Variants in COL6A6 observed in about 807,000 individuals in gnomAD.
COL6A6 encodes the protein collagen type VI alpha 6 chain, also known as collagen alpha-6(VI) chain.
In COL6A6, 183 loss-of-function variants were observed where a neutral mutation model predicts 208.6. The ratio of observed to expected loss-of-function variants is 0.88; its 90% CI spans 0.78 to 0.99. COL6A6 has a LOEUF of 0.99. Among genes scored for constraint, COL6A6 ranks in the 50% least tolerant of loss-of-function variants. The pLI is 0.00. For synonymous variants in COL6A6, 973 were observed against 1,011.8 expected, an observed-to-expected ratio of 0.96 and a Z score of 0.73; for missense variants, 2,816 against 2,815.2, an observed-to-expected ratio of 1.00 and a Z score of -0.01.
At chr3:130,645,310 T>G (rs1181020823) in intron 32 of COL6A6, among the ~76,000 whole-genome samples, 4 of 151,924 alleles carry the variant, frequency 2.6e-5, no homozygotes, top group African/African-American at 4.8e-5. Context: ...TATGTTGGGG[T>G]TTTTTTTAGA....
intron 12 of COL6A6, 126 bp downstream of exon 12, chr3:130,589,308 C>A: frequency 1.7e-6 from 1 of 592,284 alleles, no homozygotes; most frequent in Non-Finnish European, 3.0e-6. Context: ...GTTTATTATA[C>A]TCCTCTTTTT....
At chr3:130,534,428 A>C (rs1301729158) in intron 1 of COL6A6, among the ~76,000 whole-genome samples, 1 of 152,106 alleles carries the variant, frequency 6.6e-6, no homozygotes, top group African/African-American at 2.4e-5. Context: ...CTTATTTATG[A>C]TGTCTTTTGT....
intron 36 of COL6A6, among the ~76,000 whole-genome samples, chr3:130,672,354 T>C (rs1205944942): frequency 6.6e-6 from 1 of 152,024 alleles, no homozygotes; most frequent in African/African-American, 2.4e-5. Context: ...GAACAATATA[T>C]AGTAGGATAA....
At chr3:130,560,479 A>G (rs1013040948) in intron 2 of COL6A6, 51 bp downstream of exon 2, 3 of 1,482,716 alleles carry the variant, frequency 2.0e-6, no homozygotes, top group African/African-American at 2.8e-5. Flanking sequence ...AAAATAGATA[A>G]TACATGAGTT....
At chr3:130,564,144 G>A (rs1007301660) in intron 3 of COL6A6, among the ~76,000 whole-genome samples, 3 of 152,188 alleles carry the variant, frequency 2.0e-5, no homozygotes, top group African/African-American at 7.2e-5. Context: ...TAGAAGTGAT[G>A]TGCCTTGGCC....
At chr3:130,543,058 A>G (rs911975581) in intron 1 of COL6A6, among the ~76,000 whole-genome samples, 1 of 151,912 alleles carries the variant, frequency 6.6e-6, no homozygotes, top group African/African-American at 2.4e-5. Context: ...AGCACGTGCC[A>G]CCATGCCTAG....
intron 1 of COL6A6, among the ~76,000 whole-genome samples, chr3:130,553,940 C>T (rs1224015317): frequency 4.6e-5 from 7 of 151,970 alleles, no homozygotes; most frequent in Admixed American, 4.6e-4. Context: ...TATTGACTGG[C>T]ATCATTTCTG....
intron 23 of COL6A6, among the ~76,000 whole-genome samples, chr3:130,614,798 G>C (rs540385016): frequency 3.9e-5 from 6 of 152,214 alleles, no homozygotes; most frequent in African/African-American, 1.2e-4. Flanking sequence ...TGTGTGCATA[G>C]AGGTGTTCAT....
intron 8 of COL6A6, among the ~76,000 whole-genome samples, chr3:130,576,455 C>T (rs1457525081): frequency 6.6e-6 from 1 of 152,208 alleles, no homozygotes; most frequent in Non-Finnish European, 1.5e-5. Flanking sequence ...GCTTCACATA[C>T]TTTGGAATGT....
intron 10 of COL6A6, among the ~76,000 whole-genome samples, chr3:130,585,521 C>T (rs2063518635): frequency 6.6e-6 from 1 of 152,202 alleles, no homozygotes; most frequent in Non-Finnish European, 1.5e-5. Context: ...TTACTTCCTC[C>T]ACCATAATGA....
intron 10 of COL6A6, among the ~76,000 whole-genome samples, chr3:130,582,291 T>C (rs1028078515): frequency 7.2e-5 from 11 of 152,180 alleles, no homozygotes; most frequent in Non-Finnish European, 1.6e-4. Context: ...GAATACAAAG[T>C]CCTATCCTTT....
At chr3:130,570,256 A>C (rs2063129071) in intron 6 of COL6A6, among the ~76,000 whole-genome samples, 1 of 152,210 alleles carries the variant, frequency 6.6e-6, no homozygotes, top group African/African-American at 2.4e-5. Flanking sequence ...CTATGATGAA[A>C]CCCAAAACTG....
At position 130,627,429 on chromosome 3, in the gene COL6A6, T is replaced by G. The variant is rs2064924768; in HGVS notation, c.4992+60T>G. 3 of 1,488,146 alleles carry G rather than the reference T, an allele frequency of 2.0e-6. No individual in the cohort carries two copies. In the Admixed American group the frequency reaches 5.0e-5, roughly 25 times the overall value. The allele number at this position is 1,488,146 out of a possible 1,614,324, so 92.2% of individuals were successfully genotyped here. A position where few individuals can be genotyped will look rare whatever the true frequency, so the allele number is the denominator to read the frequency against. ...ATTTATTTTTTGTTGCTGGTTTTGT[T>G]TGCCACATTTAAGAGAAAAAGGGAA... On this transcript the variant is annotated intron_variant, in intron 26 of 36. Transcript: ENST00000358511.
At chr3:130,645,125 T>G (rs2065430190) in intron 32 of COL6A6, 123 bp downstream of exon 32, 1 of 893,598 alleles carries the variant, frequency 1.1e-6, no homozygotes, top group Non-Finnish European at 1.9e-6. Flanking sequence ...CTTTCTTTGC[T>G]GCTGCCTCAT....
chr3:130,575,701 CTAGGAAA>C (rs1176065272), intron 8 of COL6A6, among the ~76,000 whole-genome samples: 2 of 152,192 alleles, frequency 1.3e-5, no homozygotes, highest in African/African-American at 4.8e-5. Context: ...GGAGAAGGTA[CTAGGAAA>C]GGGGGAACAA....
chr3:130,604,427 G>A (rs568235134), intron 20 of COL6A6, among the ~76,000 whole-genome samples: 17 of 152,032 alleles, frequency 1.1e-4, no homozygotes, highest in Admixed American at 7.9e-4. Context: ...CCCGGGAAGC[G>A]GAGCTTGCAG....
chr3:130,670,271 T>C (rs376363429), intron 36 of COL6A6, among the ~76,000 whole-genome samples: 155 of 152,306 alleles, frequency 1.0e-3, no homozygotes, highest in Admixed American at 1.6e-3. Flanking sequence ...GAGGACAGTA[T>C]CTTTGGCATG....
chr3:130,546,175 T>C (rs141835509), intron 1 of COL6A6, among the ~76,000 whole-genome samples: 384 of 152,332 alleles, frequency 2.5e-3, no homozygotes, highest in African/African-American at 8.7e-3. Context: ...GTTACAGTTC[T>C]TAAAGATGGT....
At chr3:130,646,818 A>G (rs1042484360) in intron 32 of COL6A6, among the ~76,000 whole-genome samples, 13 of 152,206 alleles carry the variant, frequency 8.5e-5, no homozygotes, top group African/African-American at 3.1e-4. Context: ...GGTGGGTATT[A>G]AAGAGTATGT....
Sources: allele counts gnomAD v4.1 joint callset (sites outside exome capture counted in the v4.1 genomes callset), GRCh38; gene constraint gnomAD v4.1.1; transcripts MANE v1.5; gene names NCBI Gene and HGNC (gene_info 2026-07-23, HGNC 2026-07-21).